XRCC4: variants seen among roughly 807,000 people sequenced by gnomAD.
XRCC4 encodes X-ray repair cross complementing 4.
In XRCC4, 28 loss-of-function variants were observed where a neutral mutation model predicts 39.1. The ratio of observed to expected loss-of-function variants is 0.72; its 90% CI spans 0.53 to 0.98. The LOEUF is 0.98. XRCC4 is among the 50% of genes least tolerant of loss of function. The pLI is 0.00. For missense variants in XRCC4, 350 were observed against 376.4 expected (o/e 0.93, Z 0.58); for synonymous variants, 123 against 126.4 (o/e 0.97, Z 0.18).
chr5:83,130,601 G>T (rs551946619), intron 3 of XRCC4, among the ~76,000 whole-genome samples: 8 of 152,208 alleles, frequency 5.3e-5, no homozygotes, highest in East Asian at 1.9e-4. Context: ...TCTGGTCCTG[G>T]ACTTTTTTTG....
chr5:83,203,682 C>T lies in XRCC4; in HGVS notation c.613C>T (p.Arg205Ter), dbSNP rs754768936. The T allele has an allele frequency of 4.4e-6, 7 of 1,607,352 alleles. No individual in the cohort carries two copies. The highest frequency in any genetic ancestry group is 1.7e-4 in the Middle Eastern group (1 of 6,052). The change falls in exon 5 of 8, where the codon CGA (arginine) becomes TGA (stop). Residue 205 changes from arginine (R) to a stop codon, truncating the protein, a stop_gained. Transcript: ENST00000396027. LOFTEE classifies it high-confidence loss of function. ...HNKLLNAAQEREKDIKQEGET... is the reference protein window; with the variant it reads ...HNKLLNAAQE Reference sequence around the variant, plus strand: ...TAAATTATTAAATGCAGCTCAAGAACGAGAAAAGGACATCAAACAAGAAGG... The same window carrying T: ...TAAATTATTAAATGCAGCTCAAGAATGAGAAAAGGACATCAAACAAGAAGG...
At chr5:83,191,962 A>G (rs1387796225) in intron 3 of XRCC4, among the ~76,000 whole-genome samples, 3 of 152,142 alleles carry the variant, frequency 2.0e-5, no homozygotes, top group Non-Finnish European at 4.4e-5. Flanking sequence ...GTAAGGGAGT[A>G]TGGCATTTAA....
intron 3 of XRCC4, among the ~76,000 whole-genome samples, chr5:83,133,269 C>T (rs1467612120): frequency 6.6e-6 from 1 of 152,116 alleles, no homozygotes; most frequent in East Asian, 1.9e-4. Flanking sequence ...CAGAGGGGCA[C>T]CTGGCCATCT....
chr5:83,279,678 A>G (rs1474378972), intron 7 of XRCC4, among the ~76,000 whole-genome samples: 1 of 152,244 alleles, frequency 6.6e-6, no homozygotes, highest in East Asian at 1.9e-4. Context: ...ATTTCTGCTT[A>G]GAAGAATGAT....
intron 7 of XRCC4, among the ~76,000 whole-genome samples, chr5:83,329,843 G>A (rs912109128): frequency 6.6e-6 from 1 of 152,090 alleles, no homozygotes; most frequent in Non-Finnish European, 1.5e-5. Context: ...CTAAAGTGAT[G>A]TAACTGCTAA....
At position 83,150,143 on chromosome 5, in the gene XRCC4, T is replaced by C. The variant is rs982307590; in HGVS notation, c.315+38940T>C. Among the ~76,000 whole-genome samples the C allele has an allele frequency of 1.6e-4, 24 of 152,332 alleles. 1 individual carries two copies. The highest frequency in any genetic ancestry group is 7.4e-5 in the Non-Finnish European group (5 of 68,012). On this transcript the variant is annotated intron_variant, in intron 3 of 7. Transcript: ENST00000396027. ...AACTTTTGGTATAGCAAGCCTCTTA[T>C]TATTTTAAATGTGACTAAATAGCTT...
intron 3 of XRCC4, among the ~76,000 whole-genome samples, chr5:83,152,882 C>A (rs1442929323): frequency 6.6e-6 from 1 of 152,066 alleles, no homozygotes; most frequent in African/African-American, 2.4e-5. Context: ...ATTGATAAAG[C>A]CTACCCATCC....
At chr5:83,089,720 GAAAA>G (rs11360167) in intron 1 of XRCC4, among the ~76,000 whole-genome samples, 2 of 150,956 alleles carry the variant, frequency 1.3e-5, no homozygotes, top group Non-Finnish European at 3.0e-5. Context: ...ACATGTCTTA[GAAAA>G]AAAAATTATT....
At chr5:83,191,803 T>C (rs1298024238) in intron 3 of XRCC4, among the ~76,000 whole-genome samples, 2 of 152,212 alleles carry the variant, frequency 1.3e-5, no homozygotes, top group East Asian at 3.9e-4. Context: ...CTGCCATGAT[T>C]GAGAGGCCTC....
intron 7 of XRCC4, among the ~76,000 whole-genome samples, chr5:83,320,406 TAAA>T (rs1298343494): frequency 6.7e-6 from 1 of 148,590 alleles, no homozygotes; most frequent in Non-Finnish European, 1.5e-5. Context: ...AAAAAAGAAA[TAAA>T]AACCACTCCT....
intron 6 of XRCC4, among the ~76,000 whole-genome samples, chr5:83,244,372 C>T (rs897164448): frequency 3.9e-5 from 6 of 151,982 alleles, no homozygotes; most frequent in African/African-American, 1.5e-4. Context: ...TTTGTAAGCT[C>T]AATTAGGGTG....
rs192160579 is a variant in XRCC4, at chr5:83,130,566, C to G, written c.315+19363C>G. On this transcript the variant is annotated intron_variant, in intron 3 of 7. Transcript: ENST00000396027. ...ATGGTACCAGCTCCTCTTTGTACCT[C>G]TGGTAGAATTCAGCTGTGAATCCAT... is the stretch of plus-strand genomic sequence containing the variant. Among the ~76,000 whole-genome samples the G allele has an allele frequency of 1.7e-3, 266 of 152,210 alleles. 2 individuals are homozygous for G. Among genetic ancestry groups the G allele is most frequent in the Middle Eastern group, 6.8e-3 (2 of 294 alleles).
intron 3 of XRCC4, among the ~76,000 whole-genome samples, chr5:83,129,593 T>A (rs2112473818): frequency 6.6e-6 from 1 of 152,252 alleles, no homozygotes; most frequent in Middle Eastern, 3.4e-3. Flanking sequence ...CAATATTGAT[T>A]CTTCCTATCC....
intron 6 of XRCC4, among the ~76,000 whole-genome samples, chr5:83,242,625 T>G (rs1580415160): frequency 6.6e-6 from 1 of 152,096 alleles, no homozygotes; most frequent in East Asian, 1.9e-4. Context: ...CTTCTTATTT[T>G]AAAAATTATT....
At chr5:83,103,941 A>G (rs78750366) in intron 1 of XRCC4, among the ~76,000 whole-genome samples, 269 of 152,306 alleles carry the variant, frequency 1.8e-3, no homozygotes, top group African/African-American at 6.2e-3. Context: ...TTTGGGTAGC[A>G]ATGTTCTGCT....
intron 3 of XRCC4, among the ~76,000 whole-genome samples, chr5:83,135,391 C>T (rs1747845189): frequency 2.1e-5 from 3 of 145,732 alleles, no homozygotes; most frequent in Non-Finnish European, 3.0e-5. Context: ...GGCAGTATGC[C>T]TTTTTTTTTT....
At chr5:83,268,332 A>G (rs949972115) in intron 7 of XRCC4, among the ~76,000 whole-genome samples, 1 of 152,176 alleles carries the variant, frequency 6.6e-6, no homozygotes, top group African/African-American at 2.4e-5. Context: ...ACCTACCACA[A>G]AAGATGGATA....
intron 6 of XRCC4, among the ~76,000 whole-genome samples, chr5:83,234,839 T>C (rs987093268): frequency 6.6e-6 from 1 of 151,992 alleles, no homozygotes; most frequent in Non-Finnish European, 1.5e-5. Flanking sequence ...GCCTTAGTTG[T>C]CTCAATTATA....
At chr5:83,188,602 C>T (rs1020299044) in intron 3 of XRCC4, among the ~76,000 whole-genome samples, 1 of 151,960 alleles carries the variant, frequency 6.6e-6, no homozygotes, top group African/African-American at 2.4e-5. Flanking sequence ...TGCTGAGGGC[C>T]TCAGGAAGCT....
Sources: gnomAD v4.1 joint callset for allele counts (sites outside exome capture counted in the v4.1 genomes callset) on GRCh38, gnomAD v4.1.1 for gene constraint, MANE v1.5 for transcripts, NCBI Gene and HGNC (gene_info 2026-07-23, HGNC 2026-07-21) for gene names.